LYPD6B: variants seen among roughly 807,000 people sequenced by gnomAD.
LYPD6B encodes ly6/PLAUR domain-containing protein 6B.
Under a neutral mutation model 22.8 loss-of-function variants are expected in LYPD6B, and 17 were observed. The ratio of observed to expected loss-of-function variants is 0.75; its 90% confidence interval spans 0.51 to 1.12. The LOEUF is 1.12. Ranked by LOEUF, LYPD6B falls within the 50% of genes most tolerant of loss-of-function variation. The probability of loss-of-function intolerance (pLI) is 0.00; values close to 1 mark genes in which losing one functional copy is unlikely to be tolerated. For missense variants in LYPD6B, 221 were observed against 258.3 expected, an observed-to-expected ratio of 0.86 and a Z score of 0.99; for synonymous variants, 106 against 91.6, an observed-to-expected ratio of 1.16 and a Z score of -0.90.
intron 3 of LYPD6B, among the ~76,000 whole-genome samples, chr2:149,163,968 G>A (rs146492032): frequency 3.9e-4 from 59 of 152,292 alleles, no homozygotes; most frequent in African/African-American, 1.2e-3. Flanking sequence ...TATTCTCTTC[G>A]TAAGAGAGAG....
chr2:149,081,017 C>T (rs1278678246), intron 1 of LYPD6B, among the ~76,000 whole-genome samples: 1 of 152,058 alleles, frequency 6.6e-6, no homozygotes, highest in Non-Finnish European at 1.5e-5. Context: ...CGTTTGTAAC[C>T]TCTAGGTCCT....
At chr2:149,107,399 C>T (rs917590632) in intron 1 of LYPD6B, among the ~76,000 whole-genome samples, 13 of 152,280 alleles carry the variant, frequency 8.5e-5, no homozygotes, top group African/African-American at 3.1e-4. Context: ...GAATTGTTTA[C>T]TCCTGGAATT....
chr2:149,102,343 G>A (rs999776804), intron 1 of LYPD6B, among the ~76,000 whole-genome samples: 4 of 152,208 alleles, frequency 2.6e-5, no homozygotes, highest in Admixed American at 1.3e-4. Flanking sequence ...ACTATTGAGA[G>A]TGAGGAAGAG....
chr2:149,115,988 A>G (rs1406180122), intron 1 of LYPD6B, among the ~76,000 whole-genome samples: 1 of 152,194 alleles, frequency 6.6e-6, no homozygotes, highest in African/African-American at 2.4e-5. Context: ...TATCAGATCT[A>G]CTGAGACCGT....
In LYPD6B at chr2:149,178,874, G is replaced by A. The variant is rs544385002; in HGVS notation, c.77+18039G>A. 2.0e-4 allele frequency among the ~76,000 whole-genome samples: 31 copies of A among 152,244 alleles called. No individual in the cohort carries two copies. In the East Asian group the frequency reaches 5.4e-3, roughly 27 times the overall value. On this transcript the variant is annotated intron_variant, in intron 3 of 6. Coordinates refer to ENST00000409642, the MANE Select transcript of LYPD6B (RefSeq NM_177964.5). ...CACCTTCCCCGATGGAATGAGAGGC[G>A]GCCATTTAGAGCTTGGTGGGATGGA...
rs371455890 is a variant in LYPD6B at position 149,151,875 on chromosome 2, C to T, written c.6-8889C>T. On this transcript the variant is annotated intron_variant, in intron 2 of 6. Coordinates refer to ENST00000409642, the MANE Select transcript of LYPD6B (RefSeq NM_177964.5). ...TTCCATGGCTCCCATCTCCTGTAGA[C>T]TCAATTTCAAATTCCTTATTGTGAT... 3.6e-4 allele frequency among the ~76,000 whole-genome samples: 55 copies of T among 152,266 alleles called. No individual in the cohort carries two copies. In the South Asian group the frequency reaches 3.9e-3, roughly 11 times the overall value.
At chr2:149,077,290 A>G (rs1405527391) in intron 1 of LYPD6B, among the ~76,000 whole-genome samples, 1 of 152,202 alleles carries the variant, frequency 6.6e-6, no homozygotes, top group African/African-American at 2.4e-5. Flanking sequence ...AGCTCTGGAG[A>G]GCAGTGAAAC....
chr2:149,124,156 A>G (rs1233013443), intron 1 of LYPD6B, among the ~76,000 whole-genome samples: 3 of 152,166 alleles, frequency 2.0e-5, no homozygotes, highest in African/African-American at 7.2e-5. Context: ...TTTGTTGAAA[A>G]TATTAAAGAA....
chr2:149,096,774 A>G (rs1239439481), intron 1 of LYPD6B, among the ~76,000 whole-genome samples: 1 of 152,180 alleles, frequency 6.6e-6, no homozygotes, highest in Admixed American at 6.6e-5. Context: ...GGGATTCATT[A>G]GTTGCGGGTA....
intron 1 of LYPD6B, among the ~76,000 whole-genome samples, chr2:149,049,916 T>C (rs1683475318): frequency 6.6e-6 from 1 of 152,140 alleles, no homozygotes; most frequent in Non-Finnish European, 1.5e-5. Context: ...CTTGGCTCTC[T>C]CTAGGAGTGA....
At chr2:149,141,014 C>T (rs1176051454) in intron 2 of LYPD6B, among the ~76,000 whole-genome samples, 1 of 152,098 alleles carries the variant, frequency 6.6e-6, no homozygotes, top group East Asian at 1.9e-4. Context: ...TGATAGATAA[C>T]AGTAAATAAA....
intron 3 of LYPD6B, among the ~76,000 whole-genome samples, chr2:149,162,476 C>T (rs1439442817): frequency 3.9e-5 from 6 of 152,128 alleles, no homozygotes; most frequent in East Asian, 3.9e-4. Flanking sequence ...GGAGTATTTA[C>T]GGCTGTGCTT....
Position 149,214,712 on chromosome 2 carries a change from GC to G in LYPD6B, c.*4del. ...GTCTTTGTGCTTCCATTGCTGTGAT[GC>G]CACCATTCCTAGGAGAGGCAGAGAC... is the stretch of plus-strand genomic sequence containing the variant. On this transcript the variant is annotated 3_prime_UTR_variant, in exon 7 of 7. Coordinates refer to ENST00000409642, the MANE Select transcript of LYPD6B (RefSeq NM_177964.5). 1 of 1,613,872 alleles carries G rather than the reference GC, an allele frequency of 6.2e-7. No individual in the cohort carries two copies. The highest frequency in any genetic ancestry group is 1.1e-5 in the South Asian group (1 of 91,064).
At chr2:149,042,246 C>G (rs1020551195) in intron 1 of LYPD6B, among the ~76,000 whole-genome samples, 2 of 152,204 alleles carry the variant, frequency 1.3e-5, no homozygotes, top group African/African-American at 4.8e-5. Flanking sequence ...CAGCCTCTAC[C>G]ATGAACTGCT....
At chr2:149,041,657 C>T (rs1164409840) in intron 1 of LYPD6B, among the ~76,000 whole-genome samples, 4 of 152,040 alleles carry the variant, frequency 2.6e-5, no homozygotes, top group Non-Finnish European at 2.9e-5. Flanking sequence ...GAGGTGGGGA[C>T]AGGTGATGCA....
chr2:149,211,304 G>A (rs902935259), intron 5 of LYPD6B, among the ~76,000 whole-genome samples: 1 of 152,130 alleles, frequency 6.6e-6, no homozygotes, highest in Non-Finnish European at 1.5e-5. Context: ...TTGCCACGTG[G>A]TTTAATATTA....
At chr2:149,089,032 A>C (rs1173363255) in intron 1 of LYPD6B, among the ~76,000 whole-genome samples, 1 of 152,186 alleles carries the variant, frequency 6.6e-6, no homozygotes, top group Non-Finnish European at 1.5e-5. Flanking sequence ...AATGATGATA[A>C]TATTAGTACC....
At chr2:149,192,659 G>A (rs546587232) in intron 3 of LYPD6B, among the ~76,000 whole-genome samples, 1 of 152,166 alleles carries the variant, frequency 6.6e-6, no homozygotes, top group African/African-American at 2.4e-5. Context: ...TTACCTCACA[G>A]GGATGTGGAG....
At chr2:149,112,096 G>C (rs904224329) in intron 1 of LYPD6B, among the ~76,000 whole-genome samples, 12 of 152,178 alleles carry the variant, frequency 7.9e-5, no homozygotes, top group African/African-American at 2.9e-4. Context: ...AGAGAATGGA[G>C]GAGAGGAAGT....
Sources: gnomAD v4.1 joint callset for allele counts (sites outside exome capture counted in the v4.1 genomes callset) on GRCh38, gnomAD v4.1.1 for gene constraint, MANE v1.5 for transcripts, NCBI Gene and HGNC (gene_info 2026-07-23, HGNC 2026-07-21) for gene names.